Variants in DAP3 observed in about 807,000 individuals in gnomAD.
DAP3 encodes the protein small ribosomal subunit protein mS29.
A neutral mutation model predicts 51.9 loss-of-function variants in DAP3; 28 were observed. That is an observed-to-expected ratio of 0.54 (90% CI 0.40 to 0.74). The LOEUF (loss-of-function observed/expected upper bound fraction) is 0.74. Ranked by LOEUF, DAP3 falls within the 30% of genes least tolerant of loss-of-function variation. The pLI is 0.00. For missense variants in DAP3, 458 were observed against 483.5 expected (o/e 0.95, Z 0.49); for synonymous variants, 170 against 170.3 (o/e 1.00, Z 0.01).
chr1:155,718,615 G>A (rs1488892226), intron 3 of DAP3, among the ~76,000 whole-genome samples: 1 of 151,888 alleles, frequency 6.6e-6, no homozygotes, highest in Non-Finnish European at 1.5e-5. Flanking sequence ...TGAACCTGGA[G>A]GTGGAGCTTG....
intron 10 of DAP3, 161 bp downstream of exon 10, chr1:155,731,576 G>C: frequency 2.8e-6 from 2 of 707,544 alleles, no homozygotes; most frequent in East Asian, 5.6e-5. Flanking sequence ...TAGAAATAAA[G>C]TCTGAATTAA....
chr1:155,729,275 G>T lies in DAP3; in HGVS notation c.752G>T (p.Ser251Ile). Residue 251 changes from serine (S) to isoleucine (I), a missense_variant, in exon 9 of 13, where the codon AGT becomes ATT. Coordinates refer to ENST00000368336, the MANE Select transcript of DAP3 (RefSeq NM_004632.4). The part of the protein sequence containing the change: ...GIVLKELKRQ[S>I]SLGMFHLLVA... The stretch of plus-strand genomic sequence containing the variant: ...GTGCTGAAAGAGCTAAAGAGGCAAA[G>T]TTCTTTGGGTATGTTTCACCTCCTA... 6.2e-7 allele frequency: 1 copy of T among 1,614,174 alleles called. No individual in the cohort carries two copies. The highest frequency in any genetic ancestry group is 8.5e-7 in the Non-Finnish European group (1 of 1,180,036).
At chr1:155,705,218 C>T (rs947100457) in intron 1 of DAP3, among the ~76,000 whole-genome samples, 3 of 151,840 alleles carry the variant, frequency 2.0e-5, no homozygotes, top group Non-Finnish European at 2.9e-5. Context: ...CAGGGGAGTT[C>T]GAGGCTGCAG....
intron 11 of DAP3, among the ~76,000 whole-genome samples, chr1:155,733,889 C>T (rs7548199): frequency 0.015 from 2,208 of 152,148 alleles, 59 homozygotes; most frequent in African/African-American, 0.051. Flanking sequence ...CTTGGTAGCT[C>T]ACAGCTGTAA....
upstream of DAP3, chr1:155,688,566 C>A (rs529365618): frequency 6.5e-7 from 1 of 1,538,126 alleles, no homozygotes; most frequent in South Asian, 1.2e-5. Flanking sequence ...CCAGCCATCC[C>A]GTACGCGCTC....
intron 2 of DAP3, among the ~76,000 whole-genome samples, chr1:155,713,958 A>G (rs1349370947): frequency 2.0e-5 from 3 of 152,228 alleles, no homozygotes; most frequent in Non-Finnish European, 1.5e-5. Context: ...GCAGAAAGGA[A>G]AGAGAATTAC....
chr1:155,735,446 G>A (rs908208216), intron 11 of DAP3, among the ~76,000 whole-genome samples: 1 of 151,888 alleles, frequency 6.6e-6, no homozygotes, highest in Non-Finnish European at 1.5e-5. Flanking sequence ...GCATGGTGGT[G>A]CAGGCATGTA....
chr1:155,697,816 G>C (rs952888003), intron 1 of DAP3, among the ~76,000 whole-genome samples: 3 of 152,120 alleles, frequency 2.0e-5, no homozygotes, highest in African/African-American at 7.2e-5. Flanking sequence ...CCTAATCCTA[G>C]CAAGCCTGAG....
chr1:155,689,269 C>T, intron 1 of DAP3, 95 bp downstream of exon 1: 2 of 660,484 alleles, frequency 3.0e-6, no homozygotes, highest in Admixed American at 2.1e-5. Context: ...GGTAGACCGG[C>T]GCGCCTCCGG....
At chr1:155,728,800 C>G (rs1658883132) in intron 7 of DAP3, among the ~76,000 whole-genome samples, 1 of 150,942 alleles carries the variant, frequency 6.6e-6, no homozygotes, top group Non-Finnish European at 1.5e-5. Context: ...GTGGATGTTG[C>G]AGCGAGCTGA....
At chr1:155,698,145 T>A (rs1487871095) in intron 1 of DAP3, among the ~76,000 whole-genome samples, 2 of 152,084 alleles carry the variant, frequency 1.3e-5, no homozygotes, top group Admixed American at 6.6e-5. Context: ...TTACAAACAA[T>A]TTGTACAGGT....
rs137995691 is a variant in DAP3 at position 155,694,310 on chromosome 1, C to T, written c.-8+5136C>T. 7.8e-3 allele frequency among the ~76,000 whole-genome samples: 1,099 copies of T among 141,388 alleles called. 294 individuals carry two copies. Among genetic ancestry groups the T allele is most frequent in the African/African-American group, 0.033 (1,030 of 30,922 alleles). 92.8% of individuals were successfully genotyped at this position (141,388 alleles called of 152,430 possible). On this transcript the variant is annotated intron_variant, in intron 1 of 12. Transcript: ENST00000368336. ...TTGAGTATCTGTAGGCTCAGGCATC[C>T]AAACACTATTATTAACATAAGCCTC...
At chr1:155,716,590 T>C (rs1052518949) in intron 2 of DAP3, among the ~76,000 whole-genome samples, 8 of 143,438 alleles carry the variant, frequency 5.6e-5, no homozygotes, top group Non-Finnish European at 9.2e-5. Context: ...AAAAGAAAAA[T>C]GTATGTTAGT....
In DAP3 at chr1:155,731,998, C is replaced by G. The variant is rs766644128; in HGVS notation, c.958C>G (p.Arg320Gly). The G allele has an allele frequency of 1.6e-5, 25 of 1,611,372 alleles. No individual in the cohort carries two copies. The highest frequency in any genetic ancestry group is 8.4e-5 in the Admixed American group (5 of 59,742). The change falls in exon 11 of 13, where the codon CGG (arginine) becomes GGG (glycine). Residue 320 changes from arginine to glycine, a missense_variant. Transcript: ENST00000368336. ...LSQTGSLFKP[R>G]KAYLPQELLG... is the part of the protein sequence containing the mutation. ...CCAGACTGGGTCTCTCTTTAAGCCCCGGAAAGCCTATCTGCCCCAGGAGTT... is the reference window on the plus strand; with the variant it reads ...CCAGACTGGGTCTCTCTTTAAGCCCGGGAAAGCCTATCTGCCCCAGGAGTT...
intron 1 of DAP3, among the ~76,000 whole-genome samples, chr1:155,700,539 C>T (rs1364844403): frequency 1.3e-5 from 2 of 151,354 alleles, no homozygotes; most frequent in Admixed American, 6.6e-5. Context: ...GCCCCCCGCC[C>T]GGCCAGCCGC....
chr1:155,729,514 TCA>T (rs1456330009), intron 9 of DAP3, 148 bp downstream of exon 9: 4 of 1,132,390 alleles, frequency 3.5e-6, no homozygotes, highest in Non-Finnish European at 4.9e-6. Context: ...GTGCAGTGGC[TCA>T]CGCCTGTAAT....
At chr1:155,731,885 A>T in intron 10 of DAP3, 59 bp from the exon 11 acceptor site, 1 of 1,492,906 alleles carries the variant, frequency 6.7e-7, no homozygotes, top group African/African-American at 1.4e-5. Flanking sequence ...ACAGATGATT[A>T]ATGCAGTTTT....
At chr1:155,721,415 T>C (rs2149174984) in intron 3 of DAP3, 102 bp from the exon 4 acceptor site, 2 of 603,588 alleles carry the variant, frequency 3.3e-6, no homozygotes, top group East Asian at 2.9e-5. Flanking sequence ...TATATATATA[T>C]ATACACATAG....
In DAP3 at chr1:155,706,962, T is replaced by C. The variant is rs902493414; in HGVS notation, c.-7-2811T>C. ...ACAAAAATTAGCTGGGCGTGGTAGC[T>C]GGCATCTCTAACTTCAGTTACTCAG... On this transcript the variant is annotated intron_variant, in intron 1 of 12. Transcript: ENST00000368336. 3.3e-5 allele frequency among the ~76,000 whole-genome samples: 5 copies of C among 149,816 alleles called. No homozygotes were observed. In the South Asian group the frequency reaches 1.0e-3, roughly 31 times the overall value.
Sources: allele counts gnomAD v4.1 joint callset (sites outside exome capture counted in the v4.1 genomes callset), GRCh38; gene constraint gnomAD v4.1.1; transcripts MANE v1.5; gene names NCBI Gene and HGNC (gene_info 2026-07-23, HGNC 2026-07-21).